SAMD12: variants seen among roughly 807,000 people sequenced by gnomAD.
SAMD12 encodes the protein sterile alpha motif domain-containing protein 12.
Under a neutral mutation model 15.0 loss-of-function variants are expected in SAMD12, and 9 were observed. That is an observed-to-expected ratio of 0.60 (90% confidence interval 0.36 to 1.05). The LOEUF (loss-of-function observed/expected upper bound fraction) is 1.05, where lower values mean the gene tolerates loss of function less well. Among genes scored for constraint, SAMD12 ranks in the 50% least tolerant of loss-of-function variants. The pLI is 0.01. For synonymous variants in SAMD12, 86 were observed against 90.1 expected (o/e 0.96, Z 0.25); for missense variants, 230 against 234.2 (o/e 0.98, Z 0.12).
intron 2 of SAMD12, among the ~76,000 whole-genome samples, chr8:118,550,324 G>C (rs893433849): frequency 1.3e-5 from 2 of 152,220 alleles, no homozygotes; most frequent in African/African-American, 4.8e-5. Flanking sequence ...ACTAACAGTG[G>C]ATCTCTCTGC....
chr8:118,297,770 T>C (rs1814791298), intron 4 of SAMD12, among the ~76,000 whole-genome samples: 1 of 152,200 alleles, frequency 6.6e-6, no homozygotes, highest in South Asian at 2.1e-4. Context: ...TTTTTTTACA[T>C]ATGTAATTAT....
chr8:118,601,072 A>G (rs1827853532), intron 1 of SAMD12, among the ~76,000 whole-genome samples: 1 of 152,218 alleles, frequency 6.6e-6, no homozygotes, highest in South Asian at 2.1e-4. Context: ...TGCAAAACCA[A>G]AAACCATACA....
the SAMD12 span, among the ~76,000 whole-genome samples, chr8:118,160,811 C>T: frequency 6.6e-6 from 1 of 151,974 alleles, no homozygotes; most frequent in Non-Finnish European, 1.5e-5. Context: ...TATTATTATA[C>T]TTTAAGTTTT....
chr8:118,282,145 A>G, intron 4 of SAMD12: 1 of 371,124 alleles, frequency 2.7e-6, no homozygotes, highest in South Asian at 2.1e-5. Context: ...TCATCTGACC[A>G]TCATGACCTT....
chr8:118,329,134 T>C (rs1342745453), intron 4 of SAMD12, among the ~76,000 whole-genome samples: 1 of 151,022 alleles, frequency 6.6e-6, no homozygotes, highest in African/African-American at 2.4e-5. Flanking sequence ...ACAAAAAAAA[T>C]CACTAAATTA....
At chr8:118,525,740 T>C (rs992101737) in intron 2 of SAMD12, among the ~76,000 whole-genome samples, 2 of 152,206 alleles carry the variant, frequency 1.3e-5, no homozygotes, top group Non-Finnish European at 2.9e-5. Flanking sequence ...AATGACTCTG[T>C]AACCTGCCCT....
chr8:118,342,097 C>G (rs930257439), intron 4 of SAMD12, among the ~76,000 whole-genome samples: 13 of 152,096 alleles, frequency 8.5e-5, no homozygotes, highest in Admixed American at 3.3e-4. Context: ...CGAGACCAGC[C>G]CGGCCAACAT....
intron 2 of SAMD12, among the ~76,000 whole-genome samples, chr8:118,469,076 T>C (rs1823683850): frequency 6.6e-6 from 1 of 152,124 alleles, no homozygotes; most frequent in Non-Finnish European, 1.5e-5. Context: ...CACTAGCAGG[T>C]CAAGGTTCAG....
chr8:118,256,642 T>C (rs1040574579), intron 4 of SAMD12, among the ~76,000 whole-genome samples: 1 of 152,026 alleles, frequency 6.6e-6, no homozygotes, highest in African/African-American at 2.4e-5. Flanking sequence ...AAAATAAAGA[T>C]AATGATTCAA....
At chr8:118,354,208 T>C (rs1324558295) in intron 4 of SAMD12, among the ~76,000 whole-genome samples, 1 of 152,194 alleles carries the variant, frequency 6.6e-6, no homozygotes, top group Non-Finnish European at 1.5e-5. Context: ...AAAACAATTA[T>C]TTATAAAAGG....
At chr8:118,194,457 G>A (rs1819499520) in exon 5 of SAMD12, 2 of 152,142 alleles carry the variant, frequency 1.3e-5, no homozygotes, top group African/African-American at 2.4e-5. Flanking sequence ...GACTGGCAAT[G>A]CTCTGCATAT....
At chr8:118,160,969 G>T in the SAMD12 span, among the ~76,000 whole-genome samples, 1 of 151,992 alleles carries the variant, frequency 6.6e-6, no homozygotes, top group African/African-American at 2.4e-5. Context: ...ACAGTCCCCA[G>T]TGTGTGATGT....
chr8:118,405,237 A>G (rs942673501), intron 3 of SAMD12, among the ~76,000 whole-genome samples: 2 of 152,202 alleles, frequency 1.3e-5, no homozygotes, highest in African/African-American at 2.4e-5. Context: ...CATTTCGAAA[A>G]TGAGTGCTCA....
At chr8:118,145,635 G>A in the SAMD12 span, among the ~76,000 whole-genome samples, 3 of 152,198 alleles carry the variant, frequency 2.0e-5, no homozygotes, top group Admixed American at 1.3e-4. Context: ...AGAGTAAGCC[G>A]TGAACGTGAA....
chr8:118,613,982 A>C (rs1311606839), intron 1 of SAMD12, among the ~76,000 whole-genome samples: 1 of 152,216 alleles, frequency 6.6e-6, no homozygotes, highest in Admixed American at 6.5e-5. Flanking sequence ...TCAGATCATG[A>C]ATACACCAAA....
intron 2 of SAMD12, among the ~76,000 whole-genome samples, chr8:118,572,878 T>C (rs189101580): frequency 3.6e-4 from 54 of 152,048 alleles, no homozygotes; most frequent in Non-Finnish European, 6.6e-4. Flanking sequence ...CCACGTGTTG[T>C]GGGAGGAACC....
In SAMD12 at chr8:118,342,808, T is replaced by C. The variant is rs192079546; in HGVS notation, c.433+36752A>G. ...AGAAGTTTCTGATATAGGTGGGCCA[T>C]GTACTGCATTGCTGGTATTCAATTA... On this transcript the variant is annotated intron_variant, in intron 4 of 4. Transcript: ENST00000409003. Among the ~76,000 whole-genome samples the C allele has an allele frequency of 5.1e-4, 78 of 152,344 alleles. 1 individual carries two copies. Among genetic ancestry groups the C allele is most frequent in the Middle Eastern group, 3.4e-3 (1 of 294 alleles).
At chr8:118,318,692 T>G (rs79577436) in intron 4 of SAMD12, among the ~76,000 whole-genome samples, 4,186 of 152,080 alleles carry the variant, frequency 0.028, 175 homozygotes, top group African/African-American at 0.094. Context: ...CAAAAACCAC[T>G]TGTATTCCCA....
At chr8:118,424,283 A>G (rs1822149041) in intron 3 of SAMD12, among the ~76,000 whole-genome samples, 1 of 152,214 alleles carries the variant, frequency 6.6e-6, no homozygotes, top group Non-Finnish European at 1.5e-5. Context: ...ATTCTTTACC[A>G]CTTGCAAAGT....
Sources: gnomAD v4.1 joint callset for allele counts (sites outside exome capture counted in the v4.1 genomes callset) on GRCh38, gnomAD v4.1.1 for gene constraint, MANE v1.5 for transcripts, NCBI Gene and HGNC (gene_info 2026-07-23, HGNC 2026-07-21) for gene names.